SPATA16: variants seen among roughly 807,000 people sequenced by gnomAD.
The protein encoded by SPATA16 is spermatogenesis-associated protein 16.
A neutral mutation model predicts 63.3 loss-of-function variants in SPATA16; 36 were observed. The ratio of observed to expected loss-of-function variants is 0.57; its 90% CI spans 0.44 to 0.75. The LOEUF (loss-of-function observed/expected upper bound fraction) is 0.75. Among genes scored for constraint, SPATA16 ranks in the 30% least tolerant of loss-of-function variants. SPATA16 has a pLI of 0.00. For missense variants in SPATA16, 646 were observed against 679.3 expected (o/e 0.95, Z 0.54); for synonymous variants, 203 against 216.7 (o/e 0.94, Z 0.56).
At chr3:173,087,768 T>C (rs1385572808) in intron 2 of SPATA16, among the ~76,000 whole-genome samples, 1 of 152,162 alleles carries the variant, frequency 6.6e-6, no homozygotes, top group Non-Finnish European at 1.5e-5. Flanking sequence ...ATTTTATTTC[T>C]CCTTCCCTTA....
chr3:173,038,635 C>T (rs906049010), intron 3 of SPATA16, among the ~76,000 whole-genome samples: 2 of 152,048 alleles, frequency 1.3e-5, no homozygotes, highest in African/African-American at 4.8e-5. Flanking sequence ...GACATGTCCC[C>T]ATGGGGACCA....
Position 173,042,464 on chromosome 3 carries a change from G to A in SPATA16, c.758+6485C>T, listed in dbSNP as rs940344996. 2.0e-5 allele frequency among the ~76,000 whole-genome samples: 3 copies of A among 152,076 alleles called. No individual in the cohort carries two copies. In the East Asian group the frequency reaches 5.8e-4, roughly 29 times the overall value. ...GTCTTGAACTCCTCCTGACCTCAGC[G>A]ATCCACCCCCCTTGGCCTCCCAAAG... On this transcript the variant is annotated intron_variant, in intron 3 of 10. Coordinates refer to ENST00000351008, the MANE Select transcript of SPATA16 (RefSeq NM_031955.6).
At chr3:172,891,099 C>T (rs1185095244) in intron 10 of SPATA16, among the ~76,000 whole-genome samples, 2 of 151,498 alleles carry the variant, frequency 1.3e-5, no homozygotes, top group East Asian at 3.9e-4. Context: ...TGGCAGCTTA[C>T]CATTACTTCA....
At chr3:172,984,788 T>C (rs1231402397) in intron 4 of SPATA16, among the ~76,000 whole-genome samples, 1 of 152,176 alleles carries the variant, frequency 6.6e-6, no homozygotes, top group African/African-American at 2.4e-5. Flanking sequence ...ATTTCAAATA[T>C]TGCCTGTTCC....
chr3:173,028,391 A>G (rs146795931), intron 3 of SPATA16, among the ~76,000 whole-genome samples: 123 of 152,004 alleles, frequency 8.1e-4, no homozygotes, highest in African/African-American at 2.7e-3. Context: ...CTATGTAAGT[A>G]TGATCTGTGT....
At chr3:173,039,864 G>C (rs1471658526) in intron 3 of SPATA16, among the ~76,000 whole-genome samples, 1 of 152,088 alleles carries the variant, frequency 6.6e-6, no homozygotes, top group Non-Finnish European at 1.5e-5. Context: ...ATGAAAAAAT[G>C]ATCAACATAT....
At chr3:173,050,969 A>C (rs1036046895) in intron 2 of SPATA16, among the ~76,000 whole-genome samples, 12 of 152,232 alleles carry the variant, frequency 7.9e-5, no homozygotes, top group African/African-American at 2.9e-4. Context: ...TTTAAAACAT[A>C]ATTTTAGAAA....
At chr3:173,039,242 G>T (rs1392468226) in intron 3 of SPATA16, among the ~76,000 whole-genome samples, 3 of 152,104 alleles carry the variant, frequency 2.0e-5, no homozygotes, top group Non-Finnish European at 4.4e-5. Flanking sequence ...CAACTCATTA[G>T]AATGGATTTT....
chr3:172,897,420 C>T (rs1300639731), intron 10 of SPATA16, among the ~76,000 whole-genome samples: 2 of 152,058 alleles, frequency 1.3e-5, no homozygotes, highest in Non-Finnish European at 2.9e-5. Context: ...GTCTTTCAGT[C>T]CATAAACACA....
intron 5 of SPATA16, among the ~76,000 whole-genome samples, chr3:172,975,974 AT>A (rs1242837903): frequency 6.6e-6 from 1 of 152,078 alleles, no homozygotes. Flanking sequence ...GTTGATGATT[AT>A]TTCTTACTTT....
chr3:173,016,314 G>A (rs149595529), intron 4 of SPATA16, among the ~76,000 whole-genome samples: 2 of 152,320 alleles, frequency 1.3e-5, no homozygotes, highest in African/African-American at 4.8e-5. Flanking sequence ...ACAGGGAGTA[G>A]CATTTCCTCC....
intron 3 of SPATA16, among the ~76,000 whole-genome samples, chr3:173,022,200 T>A (rs906407523): frequency 6.6e-6 from 1 of 152,088 alleles, no homozygotes; most frequent in African/African-American, 2.4e-5. Flanking sequence ...AAAAAATTAC[T>A]TGTAATTATA....
intron 4 of SPATA16, among the ~76,000 whole-genome samples, chr3:172,983,102 A>G (rs1734359080): frequency 6.6e-6 from 1 of 152,220 alleles, no homozygotes; most frequent in South Asian, 2.1e-4. Context: ...CCACAGAAGG[A>G]CATTGCTCTG....
chr3:173,072,505 C>T (rs1256643105), intron 2 of SPATA16, among the ~76,000 whole-genome samples: 1 of 152,082 alleles, frequency 6.6e-6, no homozygotes, highest in Non-Finnish European at 1.5e-5. Context: ...GCAATTTTCC[C>T]CACACTGTTT....
At chr3:172,980,756 GT>G (rs991392227) in intron 4 of SPATA16, among the ~76,000 whole-genome samples, 7 of 152,064 alleles carry the variant, frequency 4.6e-5, no homozygotes, top group African/African-American at 1.7e-4. Context: ...AAATGCTGTT[GT>G]TTCTTCCTTT....
intron 3 of SPATA16, among the ~76,000 whole-genome samples, chr3:173,041,115 G>C (rs1386833043): frequency 1.3e-5 from 2 of 152,078 alleles, no homozygotes; most frequent in African/African-American, 2.4e-5. Flanking sequence ...AATAGCAAGA[G>C]ACATAAAGTA....
chr3:173,012,831 G>T (rs1339287443), intron 4 of SPATA16, among the ~76,000 whole-genome samples: 1 of 152,150 alleles, frequency 6.6e-6, no homozygotes, highest in African/African-American at 2.4e-5. Flanking sequence ...AATCTTGGAA[G>T]AAAACCTAGG....
chr3:173,136,463 G>T (rs977906793), intron 1 of SPATA16, among the ~76,000 whole-genome samples: 6 of 152,046 alleles, frequency 3.9e-5, no homozygotes, highest in African/African-American at 1.4e-4. Context: ...GGAGAATGAG[G>T]TATCCATGCC....
At chr3:173,059,915 C>T (rs552744128) in intron 2 of SPATA16, among the ~76,000 whole-genome samples, 1 of 138,986 alleles carries the variant, frequency 7.2e-6, no homozygotes, top group African/African-American at 2.7e-5. Context: ...GAGTGACTCT[C>T]CTTTGTTATG....
Sources: allele counts gnomAD v4.1 joint callset (sites outside exome capture counted in the v4.1 genomes callset), GRCh38; gene constraint gnomAD v4.1.1; transcripts MANE v1.5; gene names NCBI Gene and HGNC (gene_info 2026-07-23, HGNC 2026-07-21).